Variants in MARVELD3 observed in about 807,000 individuals in gnomAD.
MARVELD3 encodes the protein MARVEL domain containing 3.
A neutral mutation model predicts 33.5 loss-of-function variants in MARVELD3; 28 were observed. The observed-to-expected ratio is 0.84, with a 90% CI of 0.62 to 1.15. MARVELD3 has a LOEUF of 1.15. MARVELD3 is among the 50% of genes most tolerant of loss of function. MARVELD3 has a pLI of 0.00. For missense variants in MARVELD3, 582 were observed against 547.6 expected (o/e 1.06, Z -0.63); for synonymous variants, 241 against 230.4 (o/e 1.05, Z -0.42).
rs1410892834 is a variant in MARVELD3 at position 71,626,588 on chromosome 16, G to A, written c.359G>A (p.Arg120Gln). The A allele has an allele frequency of 2.6e-6, 4 of 1,544,688 alleles. No individual in the cohort carries two copies. The highest frequency in any genetic ancestry group is 3.7e-4 in the Middle Eastern group (2 of 5,388). Reference sequence around the variant, plus strand: ...CAAAGCCGGACGCGGGACGGAGCCCGGGGACTGACCTGGGACGCAGCCGCG... The same window carrying A: ...CAAAGCCGGACGCGGGACGGAGCCCAGGGACTGACCTGGGACGCAGCCGCG... ...PRQSRTRDGA[R>Q]GLTWDAAAPP... is the part of the protein sequence containing the mutation. Residue 120 changes from arginine (R) to glutamine (Q), a missense_variant, in exon 1 of 3, where the codon CGG (arginine) becomes CAG (glutamine). Transcript: ENST00000268485. This position sits in a 1 kb window ranked among gnomAD's most constrained non-coding sequence, Gnocchi z 5.3.
At position 71,634,459 on chromosome 16, in the gene MARVELD3, G is replaced by A. The variant is rs773605578; in HGVS notation, c.862G>A (p.Val288Ile). The change falls in exon 3 of 3, where the codon GTT (valine) becomes ATT (isoleucine). Residue 288 changes from valine (V) to isoleucine (I), a missense_variant. Coordinates refer to ENST00000268485, the MANE Select transcript of MARVELD3 (RefSeq NM_052858.6). ...CCTCACAGCCCTCTGCTGCCTCTTC[G>A]TTGCCATGGGTGTCCTGCGGGTCCC... ...GALTALCCLFVAMGVLRVPWH... is the reference protein window; with the variant it reads ...GALTALCCLFIAMGVLRVPWH... 22 of 1,614,148 alleles carry A rather than the reference G, an allele frequency of 1.4e-5. No homozygotes were observed. In the East Asian group the frequency reaches 2.9e-4, roughly 21 times the overall value.
rs1198855474 is a variant in MARVELD3 at position 71,626,410 on chromosome 16, A to G, written c.181A>G (p.Arg61Gly). ...RRRDGDRDPE[R>G]DQERDGNRDR... ...AAGGGACGGGGACCGGGACCCGGAG[A>G]GAGACCAGGAGAGGGACGGGAACCG... is the stretch of plus-strand genomic sequence containing the variant. The change falls in exon 1 of 3, where the codon AGA becomes GGA. Residue 61 changes from arginine (R) to glycine (G), a missense_variant. By Grantham distance (125) the Arg-to-Gly change is moderately radical. Transcript: ENST00000268485. This position sits in a 1 kb window ranked among gnomAD's most constrained non-coding sequence, Gnocchi z 5.3. 9 of 1,546,342 alleles carry G rather than the reference A, an allele frequency of 5.8e-6. No homozygotes were observed. The East Asian group carries it at 2.2e-4, about 38-fold the overall frequency.
chr16:71,634,018 A>G (rs896165353), intron 2 of MARVELD3, among the ~76,000 whole-genome samples, 175 bp from the exon 3 acceptor site: 3 of 152,062 alleles, frequency 2.0e-5, no homozygotes, highest in African/African-American at 4.8e-5. Flanking sequence ...CCATTTCTGG[A>G]GACCACAGTT....
At chr16:71,629,815 G>C (rs1597074820) in intron 2 of MARVELD3, 3 of 382,994 alleles carry the variant, frequency 7.8e-6, no homozygotes, top group Admixed American at 4.5e-5. Flanking sequence ...GCTGCCAGCT[G>C]TCAGAGGAGG....
downstream of MARVELD3, chr16:71,640,252 G>A: frequency 2.1e-6 from 2 of 955,050 alleles, no homozygotes; most frequent in East Asian, 2.5e-5. Context: ...GGATGACAGA[G>A]TGACACCGTC....
chr16:71,632,891 C>T (rs2044546821), intron 2 of MARVELD3, among the ~76,000 whole-genome samples: 1 of 151,946 alleles, frequency 6.6e-6, no homozygotes. Flanking sequence ...GGATTACAGG[C>T]GTGAGCCACC....
chr16:71,634,896 A>G lies in MARVELD3; in HGVS notation c.*93A>G. 6.6e-7 allele frequency: 1 copy of G among 1,509,544 alleles called. No homozygotes were observed. Among genetic ancestry groups the G allele is most frequent in the Non-Finnish European group, 8.8e-7 (1 of 1,132,656 alleles). 93.5% of individuals were successfully genotyped at this position (1,509,544 alleles called of 1,614,324 possible). A position where few individuals can be genotyped will look rare whatever the true frequency, so the allele number is the denominator to read the frequency against. Reference sequence around the variant, plus strand: ...AGAATCCCTTGTTGTGGAAGTTTCCAGTGCTGGAAAAGCAGCGAGCCAGCG... The same window carrying G: ...AGAATCCCTTGTTGTGGAAGTTTCCGGTGCTGGAAAAGCAGCGAGCCAGCG... On this transcript the variant is annotated 3_prime_UTR_variant, in exon 3 of 3. Transcript: ENST00000268485.
chr16:71,634,545 G>C lies in MARVELD3; in HGVS notation c.948G>C (p.Gly316=), dbSNP rs779175176. The C allele has an allele frequency of 6.2e-7, 1 of 1,614,148 alleles. No homozygotes were observed. Residue 316 remains glycine (G), a synonymous_variant, in exon 3 of 3, where the codon GGG becomes GGC. Coordinates refer to ENST00000268485, the MANE Select transcript of MARVELD3 (RefSeq NM_052858.6). Reference sequence around the variant, plus strand: ...TGTTGGACATGCTCATCGCGGGGGGGTACATCCCGGCCTTGTACTTCTACT... The same window carrying C: ...TGTTGGACATGCTCATCGCGGGGGGCTACATCCCGGCCTTGTACTTCTACT... ...EGLLDMLIAG[G]YIPALYFYFH...
At chr16:71,633,829 G>A (rs774542119) in intron 2 of MARVELD3, among the ~76,000 whole-genome samples, 5 of 151,614 alleles carry the variant, frequency 3.3e-5, no homozygotes, top group Middle Eastern at 3.4e-3. Flanking sequence ...GAGCCACCTC[G>A]CCCGGCCTTG....
chr16:71,636,074 T>C lies in MARVELD3; in HGVS notation c.*1271T>C. 1 of 985,416 alleles carries C rather than the reference T, an allele frequency of 1.0e-6. No homozygotes were observed. Among genetic ancestry groups the C allele is most frequent in the Non-Finnish European group, 1.2e-6 (1 of 829,904 alleles). The allele number at this position is 985,416 out of a possible 1,614,324, so 61.0% of individuals were successfully genotyped here. ...TGGGTTCTTACTGCACATTAAATTA[T>C]GACTTATGGAACATTGCAATATATT... On this transcript the variant is annotated 3_prime_UTR_variant, in exon 3 of 3. Coordinates refer to ENST00000268485, the MANE Select transcript of MARVELD3 (RefSeq NM_052858.6).
downstream of MARVELD3, chr16:71,640,745 C>T: frequency 6.2e-7 from 1 of 1,614,246 alleles, no homozygotes; most frequent in South Asian, 1.1e-5. Flanking sequence ...ACTGCACAGG[C>T]ATTGGTGTTT....
rs879550818 is a variant in MARVELD3, at chr16:71,634,469, G to A, written c.872G>A (p.Gly291Asp). ...CTCTGCTGCCTCTTCGTTGCCATGG[G>A]TGTCCTGCGGGTCCCGTGGCATTGT... ...TALCCLFVAM[G>D]VLRVPWHCPL... The change falls in exon 3 of 3, where the codon GGT becomes GAT. Residue 291 changes from glycine (G) to aspartate (D), a missense_variant. Gly to Asp is a moderately conservative substitution (Grantham distance 94). Transcript: ENST00000268485. 5 of 1,614,210 alleles carry A rather than the reference G, an allele frequency of 3.1e-6. No individual in the cohort carries two copies. Among genetic ancestry groups the A allele is most frequent in the Non-Finnish European group, 4.2e-6 (5 of 1,180,038 alleles).
chr16:71,630,373 C>T (rs999793693), intron 2 of MARVELD3, among the ~76,000 whole-genome samples: 24 of 152,108 alleles, frequency 1.6e-4, no homozygotes, highest in Middle Eastern at 3.4e-3. Flanking sequence ...CGCCTGTAAT[C>T]CCAGCACTTT....
At chr16:71,632,588 C>CT (rs57497312) in intron 2 of MARVELD3, among the ~76,000 whole-genome samples, 133 of 146,620 alleles carry the variant, frequency 9.1e-4, no homozygotes, top group African/African-American at 1.8e-3. Context: ...TTTCCTATTT[C>CT]TTTTTTTTTT....
chr16:71,631,822 T>C (rs551644701), intron 2 of MARVELD3, among the ~76,000 whole-genome samples: 193 of 152,290 alleles, frequency 1.3e-3, no homozygotes, highest in African/African-American at 4.4e-3. Flanking sequence ...ATAATGTTGT[T>C]TGCATTCTGG....
chr16:71,632,970 GCTTT>G, intron 2 of MARVELD3, among the ~76,000 whole-genome samples: 1 of 152,068 alleles, frequency 6.6e-6, no homozygotes, highest in African/African-American at 2.4e-5. Flanking sequence ...TAACTTCCAC[GCTTT>G]TTTTCTGAAT....
In MARVELD3 at chr16:71,629,442, G is replaced by A; in HGVS notation, c.543G>A (p.Glu181=). The A allele has an allele frequency of 6.3e-7, 1 of 1,581,266 alleles. No homozygotes were observed. Among genetic ancestry groups the A allele is most frequent in the South Asian group, 1.2e-5 (1 of 84,874 alleles). The change falls in exon 2 of 3, where the codon GAG becomes GAA. Residue 181 remains glutamate, a synonymous_variant. Transcript: ENST00000268485. ...GREEVEYYQS[E]AEGLLECHKC... Reference sequence around the variant, plus strand: ...AGGAGGTGGAATATTACCAGTCAGAGGCGGAAGGACTCCTGGAATGCCACA... The same window carrying A: ...AGGAGGTGGAATATTACCAGTCAGAAGCGGAAGGACTCCTGGAATGCCACA...
At chr16:71,636,704 C>G (rs1345744850), downstream of MARVELD3, among the ~76,000 whole-genome samples, 4 of 152,148 alleles carry the variant, frequency 2.6e-5, no homozygotes, top group Non-Finnish European at 5.9e-5. Flanking sequence ...TGTCCTCCCA[C>G]CTTAGCCTCC....
rs191006206 is a variant in MARVELD3 at position 71,630,773 on chromosome 16, C to A, written c.595+1279C>A. On this transcript the variant is annotated intron_variant, in intron 2 of 2. Coordinates refer to ENST00000268485, the MANE Select transcript of MARVELD3 (RefSeq NM_052858.6). ...CAAAAATGTTGTGAAACCATACTGA[C>A]CCTATTATATACCAAATATTCTGAT... Among the ~76,000 whole-genome samples, 20 of 152,122 alleles carry A rather than the reference C, an allele frequency of 1.3e-4. No homozygotes were observed. The East Asian group carries it at 3.7e-3, about 28-fold the overall frequency.
Sources: gnomAD v4.1 joint callset for allele counts (sites outside exome capture counted in the v4.1 genomes callset) on GRCh38, gnomAD v4.1.1 for gene constraint, Gnocchi (gnomAD v3.1) non-coding constraint, MANE v1.5 for transcripts, NCBI Gene and HGNC (gene_info 2026-07-23, HGNC 2026-07-21) for gene names.